The following NBAS variants were observed in gnomAD, a reference collection of about 807,000 sequenced individuals.
NBAS encodes NBAS subunit of NRZ tethering complex.
A neutral mutation model predicts 302.5 loss-of-function variants in NBAS; 219 were observed. The ratio of observed to expected loss-of-function variants is 0.72; its 90% CI spans 0.65 to 0.81. NBAS has a LOEUF of 0.81. Ranked by LOEUF, NBAS falls within the 30% of genes least tolerant of loss-of-function variation. The pLI, the probability that NBAS is intolerant of heterozygous loss-of-function variation, is 0.00. For missense variants in NBAS, 2,932 were observed against 2,841.6 expected (o/e 1.03, Z -0.72); for synonymous variants, 1,118 against 1,021.6 (o/e 1.09, Z -1.80).
chr2:15,178,028 T>C lies in NBAS; in HGVS notation c.6840+960A>G, dbSNP rs1338048979. 3 of 371,482 alleles carry C rather than the reference T, an allele frequency of 8.1e-6. No homozygotes were observed. The Admixed American group carries it at 9.6e-5, about 12-fold the overall frequency. 23.0% of individuals were successfully genotyped at this position (371,482 alleles called of 1,614,324 possible). On this transcript the variant is annotated intron_variant, in intron 51 of 51. Transcript: ENST00000281513. ...CTTTCTGTAACTATTTACAGAATTT[T>C]CTGTATCCTTTGTCATTAAGAAAAC...
chr2:15,012,757 T>C, the NBAS span, among the ~76,000 whole-genome samples: 1 of 152,036 alleles, frequency 6.6e-6, no homozygotes, highest in Non-Finnish European at 1.5e-5. Flanking sequence ...TTAAATGTAC[T>C]GAAAGAAAAA....
intron 44 of NBAS, among the ~76,000 whole-genome samples, chr2:15,274,600 C>A (rs1669483364): frequency 2.0e-5 from 3 of 151,922 alleles, no homozygotes; most frequent in Non-Finnish European, 4.4e-5. Flanking sequence ...AGGAGGAGAA[C>A]CCACATTATC....
the NBAS span, among the ~76,000 whole-genome samples, chr2:14,960,246 C>A: frequency 2.0e-5 from 3 of 152,202 alleles, no homozygotes; most frequent in Admixed American, 2.0e-4. Context: ...TGTAGCACAG[C>A]GTTTCATCCA....
chr2:14,797,517 C>T, the NBAS span, among the ~76,000 whole-genome samples: 1 of 152,196 alleles, frequency 6.6e-6, no homozygotes, highest in Non-Finnish European at 1.5e-5. Flanking sequence ...GCAGGAACAA[C>T]ATCCCTTGGG....
At chr2:14,957,423 AATTTCCCAAGCGC>A in the NBAS span, among the ~76,000 whole-genome samples, 44 of 152,252 alleles carry the variant, frequency 2.9e-4, no homozygotes, top group East Asian at 7.3e-3. Context: ...TTTAACATAG[AATTTCCCAAGCGC>A]ATTTTATCAA....
intron 32 of NBAS, among the ~76,000 whole-genome samples, chr2:15,359,219 T>C (rs1352244322): frequency 3.3e-5 from 5 of 151,888 alleles, no homozygotes; most frequent in Non-Finnish European, 7.4e-5. Context: ...AAGTGACTTC[T>C]GCATGCATCT....
the NBAS span, among the ~76,000 whole-genome samples, chr2:14,822,444 A>G: frequency 6.6e-6 from 1 of 152,188 alleles, no homozygotes; most frequent in Admixed American, 6.5e-5. Context: ...GACTCTTCTG[A>G]GAGTCTGATA....
chr2:15,259,556 T>G (rs1361875453), intron 44 of NBAS, among the ~76,000 whole-genome samples: 2 of 152,218 alleles, frequency 1.3e-5, no homozygotes, highest in South Asian at 4.1e-4. Context: ...CTTTGAGATG[T>G]AAATCTTCTA....
chr2:15,162,318 C>A (rs1279447300), downstream of NBAS, among the ~76,000 whole-genome samples: 3 of 152,148 alleles, frequency 2.0e-5, no homozygotes, highest in Non-Finnish European at 4.4e-5. Context: ...CATCAGGATA[C>A]CCCCAGCTTC....
At chr2:15,140,573 C>T in the NBAS span, among the ~76,000 whole-genome samples, 1 of 152,142 alleles carries the variant, frequency 6.6e-6, no homozygotes, top group African/African-American at 2.4e-5. Context: ...AAATTTTGTA[C>T]AGGAAAGCAT....
the NBAS span, among the ~76,000 whole-genome samples, chr2:15,115,828 G>C: frequency 3.9e-5 from 6 of 152,184 alleles, no homozygotes; most frequent in South Asian, 1.0e-3. Flanking sequence ...ATTGTTAATA[G>C]AACTATCATC....
chr2:15,451,038 T>TCATTCATTCATC (rs1678981329), intron 21 of NBAS, among the ~76,000 whole-genome samples: 1 of 152,172 alleles, frequency 6.6e-6, no homozygotes, highest in Non-Finnish European at 1.5e-5. Flanking sequence ...ATTCATTCAT[T>TCATTCATTCATC]CATTCATTCA....
chr2:14,974,262 C>A, the NBAS span, among the ~76,000 whole-genome samples: 2 of 152,132 alleles, frequency 1.3e-5, no homozygotes, highest in Non-Finnish European at 2.9e-5. Context: ...ATAGAAGGAG[C>A]TCAAAAATAA....
At chr2:15,514,663 T>C (rs1056032218) in intron 9 of NBAS, among the ~76,000 whole-genome samples, 1 of 151,140 alleles carries the variant, frequency 6.6e-6, no homozygotes, top group Non-Finnish European at 1.5e-5. Context: ...ATTAAAAACA[T>C]ATAATATAGT....
chr2:15,529,946 G>A (rs1270718528), intron 9 of NBAS, among the ~76,000 whole-genome samples: 1 of 152,060 alleles, frequency 6.6e-6, no homozygotes, highest in Non-Finnish European at 1.5e-5. Flanking sequence ...CAGCATATAT[G>A]ATTACATTCA....
the NBAS span, among the ~76,000 whole-genome samples, chr2:14,825,226 G>A: frequency 6.6e-6 from 1 of 152,132 alleles, no homozygotes; most frequent in Non-Finnish European, 1.5e-5. Flanking sequence ...GCAGACCCAC[G>A]ATGGGGCTCT....
At chr2:14,926,270 C>G in the NBAS span, among the ~76,000 whole-genome samples, 1 of 152,176 alleles carries the variant, frequency 6.6e-6, no homozygotes, top group Non-Finnish European at 1.5e-5. Context: ...AGGCCTGTGC[C>G]TACCACACCT....
the NBAS span, among the ~76,000 whole-genome samples, chr2:14,978,474 T>A: frequency 1.3e-5 from 2 of 152,190 alleles, no homozygotes; most frequent in Non-Finnish European, 2.9e-5. Context: ...ATTTAATTTA[T>A]GAACATATTA....
the NBAS span, among the ~76,000 whole-genome samples, chr2:15,119,303 C>CTTTTTTTTT: frequency 1.9e-5 from 2 of 107,768 alleles, no homozygotes; most frequent in Non-Finnish European, 3.9e-5. Flanking sequence ...GAAATCCTTT[C>CTTTTTTTTT]TTTTTTTTTT....
Sources: allele counts gnomAD v4.1 joint callset (sites outside exome capture counted in the v4.1 genomes callset), GRCh38; gene constraint gnomAD v4.1.1; transcripts MANE v1.5; gene names NCBI Gene and HGNC (gene_info 2026-07-23, HGNC 2026-07-21).